The following SPOCK1 variants were observed in gnomAD, a reference collection of about 807,000 sequenced individuals.
SPOCK1 encodes the protein testican-1.
In SPOCK1, 23 loss-of-function variants were observed where a neutral mutation model predicts 55.3. The observed-to-expected ratio is 0.42, with a 90% CI of 0.30 to 0.59. SPOCK1 has a LOEUF of 0.59. Among genes scored for constraint, SPOCK1 ranks in the 20% least tolerant of loss-of-function variants. The pLI, the probability that SPOCK1 is intolerant of heterozygous loss-of-function variation, is 0.22. For synonymous variants in SPOCK1, 226 were observed against 221.0 expected (o/e 1.02, Z -0.20); for missense variants, 499 against 552.5 (o/e 0.90, Z 0.97).
chr5:137,325,564 C>T (rs571421499), intron 2 of SPOCK1, among the ~76,000 whole-genome samples: 1 of 152,344 alleles, frequency 6.6e-6, no homozygotes, highest in East Asian at 1.9e-4. Flanking sequence ...AAGGCAGTAA[C>T]TTTTAATTAT....
At position 137,067,758 on chromosome 5, in the gene SPOCK1, A is replaced by G; in HGVS notation, c.546T>C (p.Cys182=). ...LATLCDGPCP[C]LPEPEPPKHK... ...GCTTTGGTGGCTCAGGCTCTGGGAG[A>G]CAGGGACAGGGCCCATCACAGAGGG... Residue 182 remains cysteine, a synonymous_variant, in exon 6 of 11, where the codon TGT becomes TGC. Transcript: ENST00000394945. 6.2e-7 allele frequency: 1 copy of G among 1,614,128 alleles called. No homozygotes were observed. Among genetic ancestry groups the G allele is most frequent in the Non-Finnish European group, 8.5e-7 (1 of 1,180,020 alleles).
chr5:137,367,319 C>T (rs1483920528), intron 2 of SPOCK1, among the ~76,000 whole-genome samples: 1 of 152,202 alleles, frequency 6.6e-6, no homozygotes, highest in East Asian at 1.9e-4. Context: ...TGAACAGTCA[C>T]ACCCACCCCT....
chr5:137,195,266 C>T (rs1160025826), intron 3 of SPOCK1, among the ~76,000 whole-genome samples: 1 of 152,162 alleles, frequency 6.6e-6, no homozygotes, highest in African/African-American at 2.4e-5. Flanking sequence ...TTTCTCTTTC[C>T]AACTTTTAGG....
At chr5:137,160,557 T>TTATATATTA (rs1754515729) in intron 3 of SPOCK1, among the ~76,000 whole-genome samples, 1 of 58,302 alleles carries the variant, frequency 1.7e-5, no homozygotes, top group African/African-American at 8.0e-5. Flanking sequence ...ATAATATATA[T>TTATATATTA]TATATATTAT....
chr5:137,208,640 A>G (rs986990721), intron 3 of SPOCK1, among the ~76,000 whole-genome samples: 1 of 152,168 alleles, frequency 6.6e-6, no homozygotes, highest in African/African-American at 2.4e-5. Flanking sequence ...CTCACTTATA[A>G]GTGGGGGCTA....
chr5:137,239,381 G>T (rs1756240957), intron 3 of SPOCK1, among the ~76,000 whole-genome samples: 1 of 152,154 alleles, frequency 6.6e-6, no homozygotes. Flanking sequence ...TAACAAACCA[G>T]TAATAAATAA....
chr5:137,454,130 C>G (rs568369225), intron 2 of SPOCK1, among the ~76,000 whole-genome samples: 5 of 152,098 alleles, frequency 3.3e-5, no homozygotes, highest in Non-Finnish European at 7.4e-5. Context: ...AGATAAATCT[C>G]TACAGGATAA....
chr5:137,050,480 T>A lies in SPOCK1; in HGVS notation c.589+17235A>T, dbSNP rs1044388883. 1.5e-3 allele frequency among the ~76,000 whole-genome samples: 234 copies of A among 151,064 alleles called. 2 individuals carry two copies. Among genetic ancestry groups the A allele is most frequent in the African/African-American group, 5.3e-3 (220 of 41,222 alleles). ...CCCTTGGGCTTCCCAGGTGAGGCAATGCCTCGCCCTGCTTCGGCTCGCGCA... is the reference window on the plus strand; with the variant it reads ...CCCTTGGGCTTCCCAGGTGAGGCAAAGCCTCGCCCTGCTTCGGCTCGCGCA... On this transcript the variant is annotated intron_variant, in intron 6 of 10. Coordinates refer to ENST00000394945, the MANE Select transcript of SPOCK1 (RefSeq NM_004598.4).
chr5:137,164,994 G>A (rs907881753), intron 3 of SPOCK1, among the ~76,000 whole-genome samples: 1 of 152,212 alleles, frequency 6.6e-6, no homozygotes, highest in African/African-American at 2.4e-5. Flanking sequence ...GGGGGAACTC[G>A]CCACCCTAAA....
chr5:137,323,547 C>CA (rs1478962209), intron 2 of SPOCK1, among the ~76,000 whole-genome samples: 1 of 149,514 alleles, frequency 6.7e-6, no homozygotes, highest in East Asian at 2.0e-4. Flanking sequence ...GACATGGGCT[C>CA]AACAGAAGGG....
chr5:137,244,174 A>G (rs1396411361), intron 3 of SPOCK1, among the ~76,000 whole-genome samples: 2 of 152,238 alleles, frequency 1.3e-5, no homozygotes, highest in African/African-American at 4.8e-5. Context: ...TGTTGCCTAT[A>G]AAGAGACTAT....
chr5:137,385,450 C>T (rs1751578638), intron 2 of SPOCK1, among the ~76,000 whole-genome samples: 2 of 152,212 alleles, frequency 1.3e-5, no homozygotes, highest in African/African-American at 4.8e-5. Context: ...GTTAAACACA[C>T]TTCAGACTTT....
At chr5:137,477,772 C>T (rs2149841446) in intron 2 of SPOCK1, among the ~76,000 whole-genome samples, 1 of 152,312 alleles carries the variant, frequency 6.6e-6, no homozygotes, top group South Asian at 2.1e-4. Flanking sequence ...GCTCAGACAG[C>T]ACCTGAAGCT....
chr5:137,374,987 C>A (rs1460619944), intron 2 of SPOCK1, among the ~76,000 whole-genome samples: 1 of 152,102 alleles, frequency 6.6e-6, no homozygotes, highest in Non-Finnish European at 1.5e-5. Flanking sequence ...CCAAGCCACT[C>A]TCCCCCATCT....
intron 2 of SPOCK1, among the ~76,000 whole-genome samples, chr5:137,372,802 A>G (rs1399510548): frequency 1.3e-5 from 2 of 152,248 alleles, no homozygotes; most frequent in Non-Finnish European, 2.9e-5. Context: ...GACAAGCACC[A>G]GGCAAAAAAA....
intron 3 of SPOCK1, among the ~76,000 whole-genome samples, chr5:137,142,939 TG>T (rs1242509888): frequency 2.0e-5 from 3 of 152,184 alleles, no homozygotes; most frequent in Non-Finnish European, 4.4e-5. Context: ...CAATTAAGAA[TG>T]ATTACCAGAT....
rs114016863 is a variant in SPOCK1 at position 137,189,117 on chromosome 5, T to A, written c.233-48423A>T. Among the ~76,000 whole-genome samples the A allele has an allele frequency of 5.5e-3, 835 of 152,334 alleles. 13 individuals are homozygous for A. The highest frequency in any genetic ancestry group is 0.019 in the African/African-American group (800 of 41,576). ...AGTTTAAAGAAAGAAGCCATCTCCA[T>A]AACACAAAAGTGCAAGGTGAAGCAA... On this transcript the variant is annotated intron_variant, in intron 3 of 10. Transcript: ENST00000394945.
chr5:137,162,104 C>T (rs920096260), intron 3 of SPOCK1, among the ~76,000 whole-genome samples: 2 of 151,508 alleles, frequency 1.3e-5, no homozygotes, highest in Admixed American at 6.6e-5. Context: ...ATGTACCATT[C>T]CCATTTGTTC....
At chr5:137,344,758 G>C (rs1160340530) in intron 2 of SPOCK1, among the ~76,000 whole-genome samples, 1 of 152,314 alleles carries the variant, frequency 6.6e-6, no homozygotes, top group East Asian at 1.9e-4. Context: ...TAGTATAAAC[G>C]CAGGTTTCTG....
Sources: allele counts gnomAD v4.1 joint callset (sites outside exome capture counted in the v4.1 genomes callset), GRCh38; gene constraint gnomAD v4.1.1; transcripts MANE v1.5; gene names NCBI Gene and HGNC (gene_info 2026-07-23, HGNC 2026-07-21).